The following GPLD1 variants were observed in gnomAD, a reference collection of about 807,000 sequenced individuals.
GPLD1 encodes phosphatidylinositol-glycan-specific phospholipase D.
Under a neutral mutation model 112.6 loss-of-function variants are expected in GPLD1, and 84 were observed. That is an observed-to-expected ratio of 0.75 (90% confidence interval 0.63 to 0.89). GPLD1 has a LOEUF of 0.89. GPLD1 is among the 40% of genes least tolerant of loss of function. The pLI, the probability that GPLD1 is intolerant of heterozygous loss-of-function variation, is 0.00. For missense variants in GPLD1, 1,044 were observed against 1,051.5 expected, an observed-to-expected ratio of 0.99 and a Z score of 0.10; for synonymous variants, 386 against 403.8, an observed-to-expected ratio of 0.96 and a Z score of 0.53.
upstream of GPLD1, chr6:24,489,656 T>C (rs1764501822): frequency 7.2e-7 from 1 of 1,385,176 alleles, no homozygotes; most frequent in Admixed American, 2.6e-5. Context: ...TTCAAAATAA[T>C]ATCGTTTTCC....
intron 4 of GPLD1, among the ~76,000 whole-genome samples, chr6:24,475,944 T>C (rs1764000900): frequency 1.3e-5 from 2 of 152,130 alleles, no homozygotes; most frequent in South Asian, 4.1e-4. Context: ...GTGTTGGAAG[T>C]GCTTTCAGAT....
At chr6:24,437,590 G>A (rs2127319551) in intron 20 of GPLD1, among the ~76,000 whole-genome samples, 1 of 152,204 alleles carries the variant, frequency 6.6e-6, no homozygotes, top group Non-Finnish European at 1.5e-5. Flanking sequence ...TCACCCCCAT[G>A]ACTGACACAT....
chr6:24,469,505 A>G (rs1440741026), intron 7 of GPLD1, among the ~76,000 whole-genome samples: 1 of 94,306 alleles, frequency 1.1e-5, no homozygotes, highest in African/African-American at 4.1e-5. Flanking sequence ...GGAAACCATC[A>G]TTCTCAGTAA....
chr6:24,434,344 G>A (rs1426968372), intron 22 of GPLD1, among the ~76,000 whole-genome samples: 1 of 151,606 alleles, frequency 6.6e-6, no homozygotes, highest in African/African-American at 2.4e-5. Flanking sequence ...GTTTTACTGA[G>A]CCGAGATCAT....
rs1318403868 is a variant in GPLD1 at position 24,429,115 on chromosome 6, G to A, written c.2440C>T (p.Gln814Ter). 2 of 1,607,940 alleles carry A rather than the reference G, an allele frequency of 1.2e-6. No homozygotes were observed. The highest frequency in any genetic ancestry group is 1.7e-6 in the Non-Finnish European group (2 of 1,174,604). The change falls in exon 25 of 25, where the codon CAA (glutamine) becomes TAA (stop). Residue 814 changes from glutamine (Q) to a stop codon, truncating the protein, a stop_gained. Transcript: ENST00000230036. LOFTEE classifies it high-confidence loss of function. ...CTCCTTCCAGCAGCAATGACGACTT[G>A]GTTCTGTAAGGGACACAAGACAGAA... ...LITVRSKAKN[Q>*]VVIAAGRSSL...
intron 11 of GPLD1, among the ~76,000 whole-genome samples, chr6:24,461,071 C>A (rs952131658): frequency 1.3e-5 from 2 of 151,988 alleles, no homozygotes; most frequent in East Asian, 3.9e-4. Context: ...CAAAGACATG[C>A]TAAAATTAAT....
upstream of GPLD1, among the ~76,000 whole-genome samples, chr6:24,494,468 G>A: frequency 6.6e-6 from 1 of 152,114 alleles, no homozygotes; most frequent in African/African-American, 2.4e-5. Context: ...CTCAGAGAAC[G>A]ATCGCTCCCA....
At chr6:24,435,836 A>AAAAAAAAAAAAAAAAAAAAAT (rs1427422814) in intron 22 of GPLD1, 1 of 146,526 alleles carries the variant, frequency 6.8e-6, no homozygotes, top group Non-Finnish European at 1.5e-5. Flanking sequence ...AAAAAAAAAA[A>AAAAAAAAAAAAAAAAAAAAAT]AAAAAAAAAA....
intron 15 of GPLD1, 45 bp downstream of exon 15, chr6:24,449,744 C>G: frequency 2.2e-6 from 3 of 1,356,996 alleles, no homozygotes; most frequent in Non-Finnish European, 1.0e-6. Context: ...GAGTCCCCTC[C>G]CTGCCACCCC....
chr6:24,495,204 C>A lies in GPLD1; in HGVS notation n.2G>T, dbSNP rs886061268. ...CGACAGCTTCGTGGGCGGCCGCTGG[C>A]TCCCGGCCGCCGCCACCTTCCCCGT... On this transcript the variant is annotated non_coding_transcript_exon_variant, in exon 1 of 11. Coordinates refer to the GPLD1 transcript ENST00000474784. 1 of 1,507,460 alleles carries A rather than the reference C, an allele frequency of 6.6e-7. No individual in the cohort carries two copies. 93.4% of individuals were successfully genotyped at this position (1,507,460 alleles called of 1,614,324 possible).
At chr6:24,479,381 T>A (rs1179761808) in intron 3 of GPLD1, among the ~76,000 whole-genome samples, 9 of 152,228 alleles carry the variant, frequency 5.9e-5, no homozygotes, top group Non-Finnish European at 1.3e-4. Flanking sequence ...GTTTCTTTCC[T>A]CTTTCTTTAA....
chr6:24,473,698 A>G (rs1411113023), intron 5 of GPLD1, 31 bp from the exon 6 acceptor site: 34 of 1,523,374 alleles, frequency 2.2e-5, no homozygotes, highest in Non-Finnish European at 2.7e-5. Flanking sequence ...TCTGGTGTGT[A>G]TTACAAATTG....
intron 14 of GPLD1, among the ~76,000 whole-genome samples, chr6:24,453,699 C>CGTGTGTGTGTGTGTGT (rs59607870): frequency 1.3e-5 from 2 of 150,404 alleles, no homozygotes; most frequent in African/African-American, 4.9e-5. Flanking sequence ...ACATACATTT[C>CGTGTGTGTGTGTGTGT]GTGTGTGTGT....
At chr6:24,457,978 A>G (rs1253505462) in intron 12 of GPLD1, among the ~76,000 whole-genome samples, 2 of 151,954 alleles carry the variant, frequency 1.3e-5, no homozygotes, top group African/African-American at 2.4e-5. Context: ...GGAGCCGTAC[A>G]CCACAGAATT....
chr6:24,455,954 C>CG (rs1469679519), intron 13 of GPLD1, among the ~76,000 whole-genome samples: 1 of 152,084 alleles, frequency 6.6e-6, no homozygotes, highest in Admixed American at 6.6e-5. Context: ...GCAGGTGGAT[C>CG]GCTTGAGCCC....
Position 24,466,823 on chromosome 6 carries a change from T to C in GPLD1, c.682-4A>G, listed in dbSNP as rs1467663741. On this transcript the variant is annotated splice_region_variant and splice_polypyrimidine_tract_variant and intron_variant, in intron 9 of 24. Transcript: ENST00000230036. ...TTGTAGAGTAAGTGGGATATAACTATGGCAGAGAGAAAGAAAAAATAAAAT... is the reference window on the plus strand; with the variant it reads ...TTGTAGAGTAAGTGGGATATAACTACGGCAGAGAGAAAGAAAAAATAAAAT... The C allele has an allele frequency of 6.3e-6, 10 of 1,598,134 alleles. No homozygotes were observed. The highest frequency in any genetic ancestry group is 2.8e-5 in the African/African-American group (2 of 72,594).
chr6:24,493,368 C>T (rs1333868718), upstream of GPLD1, among the ~76,000 whole-genome samples: 2 of 152,122 alleles, frequency 1.3e-5, no homozygotes, highest in African/African-American at 2.4e-5. Context: ...CCCATCTACT[C>T]GGGAGGCTGA....
intron 12 of GPLD1, among the ~76,000 whole-genome samples, chr6:24,458,808 G>C (rs555267257): frequency 6.6e-6 from 1 of 151,984 alleles, no homozygotes; most frequent in Admixed American, 6.6e-5. Flanking sequence ...AACCCGGGAG[G>C]CAGAGGTTAC....
At chr6:24,439,500 C>T (rs1762679703) in intron 20 of GPLD1, among the ~76,000 whole-genome samples, 1 of 152,154 alleles carries the variant, frequency 6.6e-6, no homozygotes, top group Non-Finnish European at 1.5e-5. Context: ...TAACACGCAT[C>T]ACAGTCTGTT....
Sources: allele counts gnomAD v4.1 joint callset (sites outside exome capture counted in the v4.1 genomes callset), GRCh38; gene constraint gnomAD v4.1.1; transcripts MANE v1.5; gene names NCBI Gene and HGNC (gene_info 2026-07-23, HGNC 2026-07-21).